The following PVT1 variants were observed in gnomAD, a reference collection of about 807,000 sequenced individuals.
The protein encoded by PVT1 is CXCR4/PVT1 fusion.
At chr8:128,013,515 T>G (rs1817338822) in intron 4 of PVT1, among the ~76,000 whole-genome samples, 1 of 152,224 alleles carries the variant, frequency 6.6e-6, no homozygotes, top group African/African-American at 2.4e-5. Context: ...CCACAAATGT[T>G]TATTGAACAC....
chr8:127,952,940 G>A (rs536338685), intron 3 of PVT1, among the ~76,000 whole-genome samples: 328 of 152,154 alleles, frequency 2.2e-3, no homozygotes, highest in African/African-American at 7.5e-3. Context: ...AATTTTTTAT[G>A]TTTTTAGTAG....
intron 3 of PVT1, among the ~76,000 whole-genome samples, chr8:127,971,834 A>G (rs922913318): frequency 6.6e-6 from 1 of 152,124 alleles, no homozygotes; most frequent in African/African-American, 2.4e-5. Flanking sequence ...GGCTGTTATT[A>G]TCGAGGCTTC....
chr8:127,892,750 G>A (rs1308448480), intron 3 of PVT1, among the ~76,000 whole-genome samples: 1 of 152,170 alleles, frequency 6.6e-6, no homozygotes, highest in African/African-American at 2.4e-5. Flanking sequence ...TCACGTAGGG[G>A]CAGGCAGAGG....
intron 5 of PVT1, among the ~76,000 whole-genome samples, chr8:128,088,864 G>T (rs1814311893): frequency 6.6e-6 from 1 of 152,184 alleles, no homozygotes; most frequent in Admixed American, 6.5e-5. Context: ...GCGGTTTCGG[G>T]AGAGAATGTA....
intron 4 of PVT1, among the ~76,000 whole-genome samples, chr8:128,030,560 C>T (rs1187834487): frequency 6.6e-6 from 1 of 152,194 alleles, no homozygotes; most frequent in Non-Finnish European, 1.5e-5. Context: ...AATTATGCTA[C>T]TTGAGGCACA....
chr8:128,038,347 T>C (rs2130082670), intron 4 of PVT1, among the ~76,000 whole-genome samples: 1 of 152,290 alleles, frequency 6.6e-6, no homozygotes. Flanking sequence ...CAGCATGTAT[T>C]TAGTCAGTGA....
intron 4 of PVT1, among the ~76,000 whole-genome samples, chr8:127,998,586 TTTC>T (rs1306757248): frequency 6.9e-6 from 1 of 145,930 alleles, no homozygotes; most frequent in Non-Finnish European, 1.5e-5. Context: ...CCCTCCCTCT[TTTC>T]TTTTCTTTTT....
At chr8:127,864,215 G>A (rs56255542) in intron 2 of PVT1, among the ~76,000 whole-genome samples, 1,639 of 152,272 alleles carry the variant, frequency 0.011, 31 homozygotes, top group African/African-American at 0.037. Context: ...GGTCAATTCA[G>A]TGTGGGTTGG....
chr8:127,992,924 G>C (rs1282565619), intron 4 of PVT1, among the ~76,000 whole-genome samples: 1 of 152,154 alleles, frequency 6.6e-6, no homozygotes, highest in Non-Finnish European at 1.5e-5. Context: ...AGCCAGCACC[G>C]GTCTTTCGCC....
At chr8:127,807,482 A>T (rs540900442) in intron 2 of PVT1, among the ~76,000 whole-genome samples, 6 of 149,294 alleles carry the variant, frequency 4.0e-5, no homozygotes, top group Admixed American at 4.0e-4. Context: ...TACAGGTGTG[A>T]GCCACCATGC....
chr8:127,882,743 A>C (rs1038378271), intron 2 of PVT1, among the ~76,000 whole-genome samples: 3 of 152,090 alleles, frequency 2.0e-5, no homozygotes, highest in African/African-American at 7.2e-5. Flanking sequence ...TCGGCCTCCC[A>C]AAGTGCTGGG....
At chr8:128,008,012 A>G (rs73355699) in intron 4 of PVT1, among the ~76,000 whole-genome samples, 26,867 of 152,178 alleles carry the variant, frequency 0.18, 2,646 homozygotes, top group South Asian at 0.33. Context: ...GTCCTCAGAA[A>G]CTTTAGGGAG....
intron 5 of PVT1, among the ~76,000 whole-genome samples, chr8:128,092,945 G>A (rs540114243): frequency 9.9e-5 from 15 of 152,162 alleles, no homozygotes; most frequent in African/African-American, 3.1e-4. Flanking sequence ...TGCTGCGCAC[G>A]GTGCCCCCAC....
At chr8:127,886,695 A>C (rs1815527949) in intron 2 of PVT1, among the ~76,000 whole-genome samples, 1 of 152,118 alleles carries the variant, frequency 6.6e-6, no homozygotes, top group South Asian at 2.1e-4. Flanking sequence ...TTTACTAAGA[A>C]TACATTTTCC....
chr8:127,850,472 T>C, intron 2 of PVT1, among the ~76,000 whole-genome samples: 1 of 152,272 alleles, frequency 6.6e-6, no homozygotes, highest in South Asian at 2.1e-4. Flanking sequence ...AGATAATTAA[T>C]GATGAAAATG....
At chr8:128,072,356 C>G (rs1814008508) in intron 5 of PVT1, among the ~76,000 whole-genome samples, 1 of 152,228 alleles carries the variant, frequency 6.6e-6, no homozygotes, top group Non-Finnish European at 1.5e-5. Flanking sequence ...GGAAAAGACA[C>G]AGCGCTCAAT....
At position 128,053,605 on chromosome 8, in the gene PVT1, A is replaced by G. The variant is rs765853838; in HGVS notation, n.913-16555A>G. 8.5e-4 allele frequency among the ~76,000 whole-genome samples: 129 copies of G among 152,202 alleles called. 3 individuals are homozygous for G. Among genetic ancestry groups the G allele is most frequent in the Non-Finnish European group, 9.0e-4 (61 of 68,044 alleles). ...ACTAGAGATGTTACCCCTAGGAAAC[A>G]AGCTCAATCCCTTGCCCCTCAGTGG... is the stretch of plus-strand genomic sequence containing the variant. On this transcript the variant is annotated intron_variant and non_coding_transcript_variant, in intron 4 of 10. Transcript: ENST00000651587.
intron 4 of PVT1, among the ~76,000 whole-genome samples, chr8:127,997,044 G>GTTTTTTCTT (rs1817113141): frequency 1.2e-5 from 1 of 81,594 alleles, no homozygotes; most frequent in Non-Finnish European, 2.2e-5. Context: ...ATTTGCTTTC[G>GTTTTTTCTT]TTTTTTTTTT....
intron 3 of PVT1, among the ~76,000 whole-genome samples, chr8:127,899,522 C>T (rs907068066): frequency 4.6e-5 from 7 of 152,230 alleles, no homozygotes; most frequent in Admixed American, 2.6e-4. Flanking sequence ...GCCCCTCACG[C>T]GCTTGTTGAG....
Sources: gnomAD v4.1 joint callset for allele counts (sites outside exome capture counted in the v4.1 genomes callset) on GRCh38, gnomAD v4.1.1 for gene constraint, MANE v1.5 for transcripts, NCBI Gene and HGNC (gene_info 2026-07-23, HGNC 2026-07-21) for gene names.